Variants in SAXO1 observed in about 807,000 individuals in gnomAD.
SAXO1 encodes 4930500O09Rik.
In SAXO1, 21 loss-of-function variants were observed where a neutral mutation model predicts 17.5. That is an observed-to-expected ratio of 1.20 (90% confidence interval 0.85 to 1.72). The LOEUF (loss-of-function observed/expected upper bound fraction) is 1.72. SAXO1 is among the 40% of genes most tolerant of loss of function. The pLI is 0.00. For missense variants in SAXO1, 843 were observed against 596.0 expected (o/e 1.41, Z -4.32); for synonymous variants, 274 against 216.5 (o/e 1.27, Z -2.33).
Position 18,928,850 on chromosome 9 carries a change from C to A in SAXO1, c.627G>T (p.Met209Ile), listed in dbSNP as rs752546368. The A allele has an allele frequency of 1.2e-6, 2 of 1,614,152 alleles. No individual in the cohort carries two copies. Among genetic ancestry groups the A allele is most frequent in the Admixed American group, 1.7e-5 (1 of 60,032 alleles). ...TCTCCACGGGGTGGGCCACATAGCT[C>A]ATCTTGTAGTTAGTCACATCCTCCA... is the stretch of plus-strand genomic sequence containing the variant. ...IPLEDVTNYK[M>I]SYVAHPVEKR... The change falls in exon 4 of 4, where the codon ATG becomes ATT. Residue 209 changes from methionine (M) to isoleucine (I), a missense_variant. Transcript: ENST00000380534.
chr9:18,929,798 A>G (rs1429421666), intron 3 of SAXO1, among the ~76,000 whole-genome samples: 1 of 152,242 alleles, frequency 6.6e-6, no homozygotes, highest in Non-Finnish European at 1.5e-5. Context: ...GTCCCAGCTC[A>G]CTTGGCTAGA....
At position 18,927,923 on chromosome 9, in the gene SAXO1, T is replaced by A. The variant is rs1830832331; in HGVS notation, c.*129A>T. The A allele has an allele frequency of 1.0e-6, 1 of 1,003,262 alleles. No individual in the cohort carries two copies. Among genetic ancestry groups the A allele is most frequent in the Non-Finnish European group, 1.4e-6 (1 of 692,842 alleles). The allele number at this position is 1,003,262 out of a possible 1,614,324, so 62.1% of individuals were successfully genotyped here. On this transcript the variant is annotated 3_prime_UTR_variant, in exon 4 of 4. Transcript: ENST00000380534. ...TGATTCTCATTTTATTCAAGTGCTC[T>A]GGAAGTGGTGAAGGTTTTTTGTTTT...
At chr9:18,937,610 A>T (rs1213316702) in intron 3 of SAXO1, among the ~76,000 whole-genome samples, 3 of 152,168 alleles carry the variant, frequency 2.0e-5, no homozygotes, top group Non-Finnish European at 4.4e-5. Flanking sequence ...CCTTTTGGGA[A>T]ATGATTGCAT....
intron 2 of SAXO1, among the ~76,000 whole-genome samples, chr9:18,942,159 C>G (rs1382766146): frequency 1.3e-5 from 2 of 152,176 alleles, no homozygotes; most frequent in Non-Finnish European, 2.9e-5. Context: ...TCACTAACAG[C>G]CTGCCACCTG....
chr9:18,967,861 C>G (rs1432959917), intron 1 of SAXO1, among the ~76,000 whole-genome samples: 1 of 152,134 alleles, frequency 6.6e-6, no homozygotes, highest in East Asian at 1.9e-4. Context: ...TCTTGAAACC[C>G]AGAGCCCTGG....
rs80234873 is a variant in SAXO1 at position 19,032,369 on chromosome 9, G to A, written c.38+502C>T. ...AGAAGGGAGACCTGGCAGGCCAGGC[G>A]ACTGTGAAAGTAATGTTTTCATTAT... On this transcript the variant is annotated intron_variant, in intron 1 of 3. Coordinates refer to ENST00000380534, the MANE Select transcript of SAXO1 (RefSeq NM_153707.4). 1.0e-3 allele frequency among the ~76,000 whole-genome samples: 154 copies of A among 152,346 alleles called. 1 individual carries two copies. Among genetic ancestry groups the A allele is most frequent in the African/African-American group, 3.5e-3 (146 of 41,580 alleles).
chr9:18,998,403 C>T (rs554436779), intron 1 of SAXO1, among the ~76,000 whole-genome samples: 38 of 151,972 alleles, frequency 2.5e-4, no homozygotes, highest in Admixed American at 7.9e-4. Context: ...AGTGAGAAGA[C>T]AAGATTAGAG....
rs1038642871 is a variant in SAXO1, at chr9:18,950,318, A to T, written c.218+440T>A. 7.2e-5 allele frequency among the ~76,000 whole-genome samples: 11 copies of T among 152,102 alleles called. 1 individual carries two copies. The highest frequency in any genetic ancestry group is 3.9e-4 in the Admixed American group (6 of 15,276). On this transcript the variant is annotated intron_variant, in intron 2 of 3. Transcript: ENST00000380534. The stretch of plus-strand genomic sequence containing the variant: ...AGCATAATTTTAAGGGGAGAAAAAA[A>T]AGCTCATTTTTTCTCTATTGCCAAG...
chr9:18,961,968 A>T (rs1256306235), intron 1 of SAXO1, among the ~76,000 whole-genome samples: 2 of 152,172 alleles, frequency 1.3e-5, no homozygotes, highest in African/African-American at 4.8e-5. Flanking sequence ...GTGTAAAAGC[A>T]TTCCTATTTC....
At chr9:18,948,051 T>C (rs1831868136) in intron 2 of SAXO1, among the ~76,000 whole-genome samples, 1 of 152,168 alleles carries the variant, frequency 6.6e-6, no homozygotes. Flanking sequence ...GTTCCAGTAA[T>C]AAGAGTGCTA....
intron 1 of SAXO1, among the ~76,000 whole-genome samples, chr9:18,974,468 G>C (rs1030894583): frequency 6.6e-6 from 1 of 152,166 alleles, no homozygotes; most frequent in Non-Finnish European, 1.5e-5. Flanking sequence ...TAAAAGGAGG[G>C]AGAGCTGTTA....
At chr9:19,027,622 T>A (rs192452012) in intron 1 of SAXO1, 4 of 1,436,526 alleles carry the variant, frequency 2.8e-6, no homozygotes, top group Non-Finnish European at 3.9e-6. Flanking sequence ...TCACTGGAGA[T>A]GGTGCCAAGC....
Position 19,032,963 on chromosome 9 carries a change from C to A in SAXO1, c.-55G>T. 1 of 1,564,166 alleles carries A rather than the reference C, an allele frequency of 6.4e-7. No individual in the cohort carries two copies. Among genetic ancestry groups the A allele is most frequent in the Non-Finnish European group, 8.7e-7 (1 of 1,155,692 alleles). On this transcript the variant is annotated 5_prime_UTR_variant, in exon 1 of 4. Coordinates refer to ENST00000380534, the MANE Select transcript of SAXO1 (RefSeq NM_153707.4). ...TCAGAGCATCGCCAGCTGCAGCCGA[C>A]TCCTAGACCCCAACCACCTGTCTTG...
intron 1 of SAXO1, among the ~76,000 whole-genome samples, chr9:19,021,777 G>A (rs1311028757): frequency 6.6e-6 from 1 of 152,216 alleles, no homozygotes; most frequent in Non-Finnish European, 1.5e-5. Context: ...CTGTAAAACT[G>A]CACCAGTCAG....
intron 1 of SAXO1, among the ~76,000 whole-genome samples, chr9:18,973,532 G>T (rs996148430): frequency 1.3e-5 from 2 of 152,222 alleles, no homozygotes; most frequent in South Asian, 4.1e-4. Flanking sequence ...AAACCCAGAC[G>T]TGTCTTGCCC....
intron 1 of SAXO1, among the ~76,000 whole-genome samples, chr9:18,998,387 A>C (rs1834099429): frequency 6.6e-6 from 1 of 152,192 alleles, no homozygotes; most frequent in South Asian, 2.1e-4. Flanking sequence ...CAAATTAATC[A>C]AATAAAGTGA....
At chr9:19,027,334 T>G (rs1440605234) in intron 1 of SAXO1, 21 of 794,376 alleles carry the variant, frequency 2.6e-5, no homozygotes, top group Non-Finnish European at 4.8e-5. Flanking sequence ...CTGGAGACAC[T>G]GCCCAGAGTA....
chr9:19,035,668 G>A (rs1331147803), upstream of SAXO1, among the ~76,000 whole-genome samples: 1 of 152,186 alleles, frequency 6.6e-6, no homozygotes, highest in Non-Finnish European at 1.5e-5. Flanking sequence ...CCAAAATGCT[G>A]ATAGCGATAT....
At chr9:19,027,884 A>G in intron 1 of SAXO1, 1 of 1,366,962 alleles carries the variant, frequency 7.3e-7, no homozygotes, top group South Asian at 1.2e-5. Context: ...CCTGGACCGC[A>G]AGATCGAGTG....
Sources: allele counts gnomAD v4.1 joint callset (sites outside exome capture counted in the v4.1 genomes callset), GRCh38; gene constraint gnomAD v4.1.1; transcripts MANE v1.5; gene names NCBI Gene and HGNC (gene_info 2026-07-23, HGNC 2026-07-21).